Variants in COMP observed in about 807,000 individuals in gnomAD.
COMP encodes the protein cartilage oligomeric matrix protein.
COMP carries 79 observed loss-of-function variants against 95.8 expected under a neutral mutation model. That is an observed-to-expected ratio of 0.82 (90% CI 0.69 to 0.99). COMP has a LOEUF of 0.99. COMP is among the 50% of genes least tolerant of loss of function. The probability of loss-of-function intolerance (pLI) is 0.00; values close to 1 mark genes in which losing one functional copy is unlikely to be tolerated. For missense variants in COMP, 906 were observed against 1,076.1 expected (o/e 0.84, Z 2.21); for synonymous variants, 438 against 433.9 (o/e 1.01, Z -0.12).
At chr19:18,787,258 G>C (rs1342341307) in intron 10 of COMP, among the ~76,000 whole-genome samples, 1 of 152,198 alleles carries the variant, frequency 6.6e-6, no homozygotes, top group East Asian at 1.9e-4. Context: ...CTTAATTCCT[G>C]CCTGCGGCAT....
At position 18,790,920 on chromosome 19, in the gene COMP, G is replaced by C. The variant is rs754279636; in HGVS notation, c.95C>G (p.Pro32Arg). The C allele has an allele frequency of 6.4e-7, 1 of 1,563,290 alleles. No individual in the cohort carries two copies. The highest frequency in any genetic ancestry group is 1.4e-5 in the African/African-American group (1 of 73,688). ...TTCCTGCAGTTCCCGAAGCATCTGC[G>C]GGCCCAGGTCTGAGCCTGCGGCGGC... ...GQSPLGSDLG[P>R]QMLRELQETN... The change falls in exon 2 of 19, where the codon CCG (proline) becomes CGG (arginine). Residue 32 changes from proline to arginine, a missense_variant. By Grantham distance (103) the Pro-to-Arg change is moderately radical (BLOSUM62 -2). Coordinates refer to ENST00000222271, the MANE Select transcript of COMP (RefSeq NM_000095.3).
rs554072056 is a variant in COMP at position 18,789,379 on chromosome 19, A to G, written c.391-82T>C. 5 of 1,349,552 alleles carry G rather than the reference A, an allele frequency of 3.7e-6. No individual in the cohort carries two copies. The highest frequency in any genetic ancestry group is 1.5e-5 in the African/African-American group (1 of 67,194). The allele number at this position is 1,349,552 out of a possible 1,614,324, so 83.6% of individuals were successfully genotyped here. A position where few individuals can be genotyped will look rare whatever the true frequency, so the allele number is the denominator to read the frequency against. On this transcript the variant is annotated intron_variant, in intron 4 of 18. Transcript: ENST00000222271. This position sits in a 1 kb window ranked among gnomAD's most constrained non-coding sequence, Gnocchi z 6.1. ...GCACCTCGTAGTGTCTCGGATGTGG[A>G]AAGTTCAAGGGCCATATGCCAGTGC...
In COMP at chr19:18,786,985, C is replaced by G. The variant is rs575184570; in HGVS notation, c.1136-335G>C. 3.7e-4 allele frequency: 127 copies of G among 345,854 alleles called. 3 individuals are homozygous for G. Among genetic ancestry groups the G allele is most frequent in the South Asian group, 3.1e-3 (126 of 40,034 alleles). The allele number at this position is 345,854 out of a possible 1,614,324, so 21.4% of individuals were successfully genotyped here. On this transcript the variant is annotated intron_variant, in intron 10 of 18. Coordinates refer to ENST00000222271, the MANE Select transcript of COMP (RefSeq NM_000095.3). The stretch of plus-strand genomic sequence containing the variant: ...ACGGAGTTTCACCATGTTGGTCAGT[C>G]TGGTCTCGAACTCCTGACCTCGTGA...
rs542283818 is a variant in COMP at position 18,788,052 on chromosome 19, C to A, written c.975+160G>T. 9.9e-5 allele frequency among the ~76,000 whole-genome samples: 15 copies of A among 151,914 alleles called. No homozygotes were observed. The East Asian group carries it at 2.3e-3, about 24-fold the overall frequency. On this transcript the variant is annotated intron_variant, in intron 9 of 18. Coordinates refer to ENST00000222271, the MANE Select transcript of COMP (RefSeq NM_000095.3). The surrounding 1 kb of genome is among the most constrained non-coding windows in gnomAD (Gnocchi z 4.7). The stretch of plus-strand genomic sequence containing the variant: ...CTGAGTAGCTGGGATTACAGGCGTG[C>A]ACCACCACGCCCCGCTAATTTTTGT...
chr19:18,788,981 C>T lies in COMP; in HGVS notation c.529-68G>A. On this transcript the variant is annotated intron_variant, in intron 5 of 18. Coordinates refer to ENST00000222271, the MANE Select transcript of COMP (RefSeq NM_000095.3). The surrounding 1 kb of genome is among the most constrained non-coding windows in gnomAD (Gnocchi z 4.7). ...CTCCGGACCTCCCACCTCCTCCACA[C>T]TTCCTCCGCATCCTGCCTCTCCCCT... 2 of 1,576,708 alleles carry T rather than the reference C, an allele frequency of 1.3e-6. No individual in the cohort carries two copies. Among genetic ancestry groups the T allele is most frequent in the Non-Finnish European group, 1.7e-6 (2 of 1,155,732 alleles).
At chr19:18,786,687 G>C (rs751488744) in intron 10 of COMP, 37 bp from the exon 11 acceptor site, 2 of 1,544,808 alleles carry the variant, frequency 1.3e-6, no homozygotes, top group Non-Finnish European at 1.8e-6. Context: ...CCAAGATTGG[G>C]ACCAGGCCAG....
In COMP at chr19:18,791,287, G is replaced by T; in HGVS notation, c.-18C>A. 1 of 1,581,624 alleles carries T rather than the reference G, an allele frequency of 6.3e-7. No individual in the cohort carries two copies. Among genetic ancestry groups the T allele is most frequent in the Non-Finnish European group, 8.6e-7 (1 of 1,166,498 alleles). On this transcript the variant is annotated 5_prime_UTR_variant, in exon 1 of 19. Transcript: ENST00000222271. ...GGGACCATGGCGGTGGCGGGGAGCTGGGTGGCTGCTCGCTTTCTACCGCCC... is the reference window on the plus strand; with the variant it reads ...GGGACCATGGCGGTGGCGGGGAGCTTGGTGGCTGCTCGCTTTCTACCGCCC...
At chr19:18,785,232 A>T (rs1180113523) in intron 15 of COMP, 140 bp from the exon 16 acceptor site, 15 of 953,842 alleles carry the variant, frequency 1.6e-5, no homozygotes, top group Non-Finnish European at 2.1e-5. Flanking sequence ...GCCCGGACTC[A>T]GCCACGCCCC....
In COMP at chr19:18,790,118, C is replaced by CG. The variant is rs954791978; in HGVS notation, c.218-5dup. The CG allele has an allele frequency of 8.8e-6, 13 of 1,478,016 alleles. No individual in the cohort carries two copies. Among genetic ancestry groups the CG allele is most frequent in the African/African-American group, 2.8e-5 (2 of 70,450 alleles). 91.6% of individuals were successfully genotyped at this position (1,478,016 alleles called of 1,614,324 possible). ...GTGCGTACTGACTGCTGCATCCCTG[C>CG]GGGGGGGAGGGGGGAGAAGCGGCGG... On this transcript the variant is annotated splice_polypyrimidine_tract_variant and splice_region_variant and intron_variant, in intron 3 of 18. Transcript: ENST00000222271.
intron 15 of COMP, 63 bp downstream of exon 15, chr19:18,785,435 C>T: frequency 6.2e-7 from 1 of 1,604,284 alleles, no homozygotes; most frequent in African/African-American, 1.3e-5. Flanking sequence ...GGGCCTGCCC[C>T]TTCTCTGGCC....
chr19:18,783,253 T>G (rs906806537), intron 17 of COMP, 60 bp from the exon 18 acceptor site: 5 of 1,588,436 alleles, frequency 3.1e-6, no homozygotes, highest in Non-Finnish European at 3.4e-6. Context: ...CTCTCAGAGC[T>G]TCAGTGGCCA....
Position 18,788,477 on chromosome 19 carries a change from CCA to C in COMP, c.798_799del (p.Cys266TrpfsTer5), listed in dbSNP as rs2055186665. ...GAAGCCGTCTAGGTCAGTGTCGCGACCACAGAGGATCCCGTTGCCGGCCCAGC... is the reference window on the plus strand; with the variant it reads ...GAAGCCGTCTAGGTCAGTGTCGCGACCAGAGGATCCCGTTGCCGGCCCAGC... On this transcript the variant is annotated frameshift_variant, in exon 8 of 19. Transcript: ENST00000222271. LOFTEE classifies it high-confidence loss of function. The surrounding 1 kb of genome is among the most constrained non-coding windows in gnomAD (Gnocchi z 4.7). 11 of 1,610,560 alleles carry C rather than the reference CCA, an allele frequency of 6.8e-6. No homozygotes were observed. The highest frequency in any genetic ancestry group is 9.3e-6 in the Non-Finnish European group (11 of 1,179,136).
Position 18,783,036 on chromosome 19 carries a change from C to T in COMP, c.2227+18G>A, listed in dbSNP as rs371523847. ...GTGTGCAGACTCCCCGCCCACGGCC[C>T]GCTGGCCCTCGGCTCACCATTGCAG... On this transcript the variant is annotated intron_variant, in intron 18 of 18. Coordinates refer to ENST00000222271, the MANE Select transcript of COMP (RefSeq NM_000095.3). 154 of 1,612,050 alleles carry T rather than the reference C, an allele frequency of 9.6e-5. 1 individual carries two copies. In the African/African-American group the frequency reaches 1.7e-3, roughly 18 times the overall value.
chr19:18,789,089 G>T lies in COMP; in HGVS notation c.528+71C>A, dbSNP rs2055191651. On this transcript the variant is annotated intron_variant, in intron 5 of 18. Transcript: ENST00000222271. The surrounding 1 kb of genome is among the most constrained non-coding windows in gnomAD (Gnocchi z 6.1). ...TCCCGCTGGAAGGAGGCTGGAAGAG[G>T]AGTTTACTGGTAAACAAAATGGACG... 1 of 1,560,822 alleles carries T rather than the reference G, an allele frequency of 6.4e-7. No homozygotes were observed. The highest frequency in any genetic ancestry group is 1.8e-5 in the Admixed American group (1 of 54,238).
Position 18,784,385 on chromosome 19 carries a change from G to A in COMP, c.1915-22C>T, listed in dbSNP as rs1263893523. The A allele has an allele frequency of 4.3e-6, 7 of 1,613,602 alleles. No individual in the cohort carries two copies. Among genetic ancestry groups the A allele is most frequent in the East Asian group, 2.2e-5 (1 of 44,874 alleles). The stretch of plus-strand genomic sequence containing the variant: ...CAGCCTGCCAATACCCAGGAAAGGT[G>A]GTCAGAGACCTCGTGGGCCACCGGA... On this transcript the variant is annotated intron_variant, in intron 16 of 18. Transcript: ENST00000222271. The surrounding 1 kb of genome is among the most constrained non-coding windows in gnomAD (Gnocchi z 4.9).
intron 15 of COMP, 56 bp downstream of exon 15, chr19:18,785,442 G>T (rs1447041373): frequency 1.9e-6 from 3 of 1,603,760 alleles, no homozygotes; most frequent in Admixed American, 1.7e-5. Flanking sequence ...CCCCTTCTCT[G>T]GCCCCTCTCC....
Position 18,789,049 on chromosome 19 carries a change from T to G in COMP, c.528+111A>C. On this transcript the variant is annotated intron_variant, in intron 5 of 18. Coordinates refer to ENST00000222271, the MANE Select transcript of COMP (RefSeq NM_000095.3). This position sits in a 1 kb window ranked among gnomAD's most constrained non-coding sequence, Gnocchi z 6.1. ...GATCAGCCCTGGCGCAGCGGACCCC[T>G]CCTCTCCCCACCCCTCCCGCTGGAA... The G allele has an allele frequency of 1.9e-6, 3 of 1,540,350 alleles. No individual in the cohort carries two copies. Among genetic ancestry groups the G allele is most frequent in the Admixed American group, 1.9e-5 (1 of 53,532 alleles).
In COMP at chr19:18,786,763, CTTTTTTTTTTTTTT is replaced by C. The variant is rs10577504; in HGVS notation, c.1136-127_1136-114del. The C allele has an allele frequency of 0.2, 55,425 of 283,984 alleles. 2,067 individuals carry two copies. The highest frequency in any genetic ancestry group is 0.27 in the East Asian group (3,008 of 11,248). 17.6% of individuals were successfully genotyped at this position (283,984 alleles called of 1,614,324 possible). ...GAACAGAGTCCCAACTTCATGGAAGCTTTTTTTTTTTTTTTTTTTTTTTTTTTTTGAGACAGTCT... is the reference window on the plus strand; with the variant it reads ...GAACAGAGTCCCAACTTCATGGAAGCTTTTTTTTTTTTTTTGAGACAGTCT... On this transcript the variant is annotated intron_variant, in intron 10 of 18. Coordinates refer to ENST00000222271, the MANE Select transcript of COMP (RefSeq NM_000095.3).
chr19:18,784,794 G>C lies in COMP; in HGVS notation c.1914+102C>G. ...GGGACAGCTTTGAGGTCCATAGTAT[G>C]AGGCTAGGGGGCTGGGGGGCTCTAA... On this transcript the variant is annotated intron_variant, in intron 16 of 18. Coordinates refer to ENST00000222271, the MANE Select transcript of COMP (RefSeq NM_000095.3). The surrounding 1 kb of genome is among the most constrained non-coding windows in gnomAD (Gnocchi z 4.9). 7.6e-7 allele frequency: 1 copy of C among 1,321,268 alleles called. No individual in the cohort carries two copies. The highest frequency in any genetic ancestry group is 1.1e-6 in the Non-Finnish European group (1 of 930,582). The allele number at this position is 1,321,268 out of a possible 1,614,324, so 81.8% of individuals were successfully genotyped here.
Sources: allele counts gnomAD v4.1 joint callset (sites outside exome capture counted in the v4.1 genomes callset), GRCh38; gene constraint gnomAD v4.1.1; non-coding constraint Gnocchi (gnomAD v3.1); transcripts MANE v1.5; gene names NCBI Gene and HGNC (gene_info 2026-07-23, HGNC 2026-07-21).